ERC2: variants seen among roughly 807,000 people sequenced by gnomAD.
The protein encoded by ERC2 is ERC protein 2.
A neutral mutation model predicts 114.8 loss-of-function variants in ERC2; 42 were observed. The ratio of observed to expected loss-of-function variants is 0.37; its 90% CI spans 0.29 to 0.47. The LOEUF (loss-of-function observed/expected upper bound fraction) is 0.47. Ranked by LOEUF, ERC2 falls within the 20% of genes least tolerant of loss-of-function variation. The pLI, the probability that ERC2 is intolerant of heterozygous loss-of-function variation, is 0.99. For synonymous variants in ERC2, 454 were observed against 425.5 expected (o/e 1.07, Z -0.82); for missense variants, 939 against 1,150.7 (o/e 0.82, Z 2.66).
intron 17 of ERC2, among the ~76,000 whole-genome samples, chr3:55,538,854 G>A (rs112663319): frequency 2.5e-4 from 38 of 152,140 alleles, no homozygotes; most frequent in African/African-American, 8.9e-4. Flanking sequence ...TACCAGCCAC[G>A]CTTCCTCTAT....
At chr3:56,335,175 T>TAC (rs2057793625) in intron 2 of ERC2, among the ~76,000 whole-genome samples, 1 of 152,224 alleles carries the variant, frequency 6.6e-6, no homozygotes, top group Non-Finnish European at 1.5e-5. Context: ...GGGTGGCATT[T>TAC]ACACTAGCAT....
chr3:55,878,213 C>G (rs62256779), intron 14 of ERC2, among the ~76,000 whole-genome samples: 1 of 152,176 alleles, frequency 6.6e-6, no homozygotes, highest in South Asian at 2.1e-4. Flanking sequence ...TTCTCTAGCT[C>G]AGAAAATGTT....
chr3:56,282,342 AAGAAT>A (rs1173592397), intron 3 of ERC2, among the ~76,000 whole-genome samples: 1 of 152,216 alleles, frequency 6.6e-6, no homozygotes, highest in African/African-American at 2.4e-5. Flanking sequence ...TATTAAGAGA[AAGAAT>A]AAGATTTTAA....
At chr3:56,130,563 A>T (rs1318090225) in intron 6 of ERC2, among the ~76,000 whole-genome samples, 1 of 152,252 alleles carries the variant, frequency 6.6e-6, no homozygotes, top group Non-Finnish European at 1.5e-5. Context: ...GAAAGCCTGA[A>T]CAACAATAAC....
At chr3:55,878,643 A>C (rs1014096850) in intron 14 of ERC2, among the ~76,000 whole-genome samples, 8 of 152,326 alleles carry the variant, frequency 5.3e-5, no homozygotes, top group African/African-American at 1.9e-4. Flanking sequence ...CTCCATCCAC[A>C]GAATGGGGGC....
At chr3:55,781,294 T>C (rs116178030) in intron 14 of ERC2, among the ~76,000 whole-genome samples, 158 of 152,204 alleles carry the variant, frequency 1.0e-3, no homozygotes, top group African/African-American at 3.8e-3. Flanking sequence ...ACTTGGACTG[T>C]TGGAAGAACA....
At chr3:55,768,052 C>G (rs544886733) in intron 14 of ERC2, among the ~76,000 whole-genome samples, 51 of 152,292 alleles carry the variant, frequency 3.3e-4, no homozygotes, top group Admixed American at 7.8e-4. Context: ...TCTCCACTCT[C>G]TTCCTCCTTT....
intron 4 of ERC2, among the ~76,000 whole-genome samples, chr3:56,163,980 G>T (rs1428285753): frequency 1.3e-5 from 2 of 152,134 alleles, no homozygotes; most frequent in Non-Finnish European, 2.9e-5. Flanking sequence ...AGTACTAAGT[G>T]TGTTTTTGTG....
At chr3:56,204,796 C>T (rs553718493) in intron 3 of ERC2, among the ~76,000 whole-genome samples, 144 of 152,176 alleles carry the variant, frequency 9.5e-4, no homozygotes, top group African/African-American at 3.3e-3. Context: ...CCACCGCACC[C>T]AGCCTAGATG....
At chr3:56,191,922 T>A (rs2047815668) in intron 3 of ERC2, among the ~76,000 whole-genome samples, 1 of 152,138 alleles carries the variant, frequency 6.6e-6, no homozygotes, top group African/African-American at 2.4e-5. Context: ...GTACTTTGCT[T>A]TTATTTGCAT....
At chr3:55,842,513 T>C (rs1183906291) in intron 14 of ERC2, among the ~76,000 whole-genome samples, 2 of 152,172 alleles carry the variant, frequency 1.3e-5, no homozygotes, top group Non-Finnish European at 2.9e-5. Flanking sequence ...TAACTAGTTA[T>C]TTTCCTTTAT....
At chr3:56,278,336 T>C (rs1366144168) in intron 3 of ERC2, among the ~76,000 whole-genome samples, 2 of 152,176 alleles carry the variant, frequency 1.3e-5, no homozygotes, top group Admixed American at 6.5e-5. Context: ...TGCGAAGATA[T>C]GGGAAGGGTC....
intron 2 of ERC2, among the ~76,000 whole-genome samples, chr3:56,325,136 T>G (rs2057299565): frequency 6.6e-6 from 1 of 151,964 alleles, no homozygotes; most frequent in African/African-American, 2.4e-5. Flanking sequence ...GGCAGGGATT[T>G]GACTATTTGT....
At chr3:56,254,340 T>C (rs2052375873) in intron 3 of ERC2, among the ~76,000 whole-genome samples, 1 of 152,152 alleles carries the variant, frequency 6.6e-6, no homozygotes, top group African/African-American at 2.4e-5. Flanking sequence ...AACCCCTTTT[T>C]TTTTTCACTT....
intron 12 of ERC2, among the ~76,000 whole-genome samples, chr3:55,985,331 T>G (rs1208291075): frequency 1.3e-5 from 2 of 152,226 alleles, no homozygotes; most frequent in Non-Finnish European, 2.9e-5. Context: ...AATCAGGTCT[T>G]ACACTTGGTT....
At chr3:55,756,001 G>C (rs9849285) in intron 14 of ERC2, among the ~76,000 whole-genome samples, 97,551 of 151,862 alleles carry the variant, frequency 0.64, 32,550 homozygotes, top group South Asian at 0.83. Context: ...ATCTAAACTC[G>C]GGGCCAGACA....
At chr3:56,374,604 G>C (rs1247327595) in intron 2 of ERC2, among the ~76,000 whole-genome samples, 1 of 152,122 alleles carries the variant, frequency 6.6e-6, no homozygotes, top group Non-Finnish European at 1.5e-5. Flanking sequence ...CCTAAGAGAG[G>C]TTAAGTAACT....
In ERC2 at chr3:55,823,750, T is replaced by C. The variant is rs563805853; in HGVS notation, c.2564+64639A>G. On this transcript the variant is annotated intron_variant, in intron 14 of 17. Transcript: ENST00000288221. ...CATTTTCCAGATCCCATCGCTCCCA[T>C]AGGGAGCCATATGACTGACTTCTGT... Among the ~76,000 whole-genome samples, 14 of 152,304 alleles carry C rather than the reference T, an allele frequency of 9.2e-5. No homozygotes were observed. The South Asian group carries it at 2.3e-3, about 25-fold the overall frequency.
intron 7 of ERC2, among the ~76,000 whole-genome samples, chr3:56,065,621 A>G (rs1300740691): frequency 6.6e-6 from 1 of 151,814 alleles, no homozygotes; most frequent in Admixed American, 6.6e-5. Context: ...GGTTCGCTGC[A>G]CCTATCAATC....
Sources: allele counts gnomAD v4.1 joint callset (sites outside exome capture counted in the v4.1 genomes callset), GRCh38; gene constraint gnomAD v4.1.1; transcripts MANE v1.5; gene names NCBI Gene and HGNC (gene_info 2026-07-23, HGNC 2026-07-21).